ZFAT: variants seen among roughly 807,000 people sequenced by gnomAD.
ZFAT encodes the protein zinc finger and AT-hook domain containing, also known as zinc finger protein ZFAT.
A neutral mutation model predicts 117.7 loss-of-function variants in ZFAT; 64 were observed. That is an observed-to-expected ratio of 0.54 (90% CI 0.44 to 0.67). The LOEUF is 0.67. ZFAT is among the 30% of genes least tolerant of loss of function. The pLI is 0.00. For synonymous variants in ZFAT, 679 were observed against 615.0 expected, an observed-to-expected ratio of 1.10 and a Z score of -1.54; for missense variants, 1,433 against 1,584.5, an observed-to-expected ratio of 0.90 and a Z score of 1.62.
chr8:134,712,624 T>TC (rs1491094591), intron 1 of ZFAT, among the ~76,000 whole-genome samples: 1 of 1,940 alleles, frequency 5.2e-4, no homozygotes, highest in Non-Finnish European at 1.3e-3. Context: ...CCCGCCTTGC[T>TC]TTTTTTTTTT....
the ZFAT span, among the ~76,000 whole-genome samples, chr8:134,789,544 G>C: frequency 6.6e-6 from 1 of 152,120 alleles, no homozygotes; most frequent in Non-Finnish European, 1.5e-5. Context: ...CATTTGGAGT[G>C]GATCTTTTGT....
the ZFAT span, among the ~76,000 whole-genome samples, chr8:134,733,641 A>G: frequency 6.6e-6 from 1 of 152,260 alleles, no homozygotes. Context: ...AAGGACGATG[A>G]CTAGCTAAAG....
At chr8:134,822,230 T>C in the ZFAT span, among the ~76,000 whole-genome samples, 54 of 152,138 alleles carry the variant, frequency 3.5e-4, no homozygotes, top group Non-Finnish European at 6.8e-4. Context: ...TGACCAATCG[T>C]ATAAGCATTC....
the ZFAT span, among the ~76,000 whole-genome samples, chr8:134,757,110 G>A: frequency 3.2e-4 from 46 of 144,226 alleles, no homozygotes; most frequent in Middle Eastern, 7.4e-3. Context: ...TCTGCCTCCC[G>A]GGTTCAAGCA....
At chr8:134,522,926 C>A (rs557472248) in intron 12 of ZFAT, among the ~76,000 whole-genome samples, 1 of 152,258 alleles carries the variant, frequency 6.6e-6, no homozygotes, top group African/African-American at 2.4e-5. Context: ...AAGAACTTTC[C>A]AGACCTTCCT....
chr8:134,589,387 T>C (rs1826285668), intron 8 of ZFAT, among the ~76,000 whole-genome samples: 2 of 152,232 alleles, frequency 1.3e-5, no homozygotes, highest in Admixed American at 6.5e-5. Context: ...CCTCCATTTA[T>C]AATCAGTGAG....
intron 12 of ZFAT, among the ~76,000 whole-genome samples, chr8:134,531,570 G>C (rs1821410360): frequency 2.0e-5 from 3 of 152,194 alleles, no homozygotes; most frequent in Admixed American, 6.5e-5. Flanking sequence ...TACAGGTGAA[G>C]AGCCTAAGAG....
chr8:134,586,314 A>G lies in ZFAT; in HGVS notation c.2713+1932T>C, dbSNP rs185859634. On this transcript the variant is annotated intron_variant, in intron 9 of 15. Coordinates refer to ENST00000377838, the MANE Select transcript of ZFAT (RefSeq NM_020863.4). The stretch of plus-strand genomic sequence containing the variant: ...TTTACTTAACACAACAGCATCAGCC[A>G]TGTATTAAGTACCCAATATGTGCTA... Among the ~76,000 whole-genome samples the G allele has an allele frequency of 4.0e-3, 609 of 152,372 alleles. 2 individuals are homozygous for G. Among genetic ancestry groups the G allele is most frequent in the Non-Finnish European group, 6.0e-3 (411 of 68,036 alleles).
rs144984474 is a variant in ZFAT, at chr8:134,691,415, A to G, written c.19+21430T>C. Among the ~76,000 whole-genome samples, 10 of 152,346 alleles carry G rather than the reference A, an allele frequency of 6.6e-5. 1 individual carries two copies. The highest frequency in any genetic ancestry group is 2.4e-4 in the African/African-American group (10 of 41,580). On this transcript the variant is annotated intron_variant, in intron 1 of 15. Transcript: ENST00000377838. ...CGCCTCCACGGACACAGTGTCTCCC[A>G]AGCCACCTGTAGCAGGTCCATTCAC...
intron 2 of ZFAT, among the ~76,000 whole-genome samples, chr8:134,647,968 C>T (rs1830996328): frequency 6.6e-6 from 1 of 152,032 alleles, no homozygotes; most frequent in African/African-American, 2.4e-5. Context: ...TAAGGTAAAG[C>T]ATGATGACTA....
At chr8:134,768,132 C>T in the ZFAT span, among the ~76,000 whole-genome samples, 1 of 152,128 alleles carries the variant, frequency 6.6e-6, no homozygotes, top group African/African-American at 2.4e-5. Flanking sequence ...TTGTGGCAAC[C>T]CTCTGTTGAA....
At chr8:134,632,761 G>A (rs1829972401) in intron 3 of ZFAT, among the ~76,000 whole-genome samples, 1 of 151,948 alleles carries the variant, frequency 6.6e-6, no homozygotes, top group African/African-American at 2.4e-5. Context: ...AAAGACAAAT[G>A]ACAAATTGCA....
intron 10 of ZFAT, among the ~76,000 whole-genome samples, chr8:134,567,477 A>T (rs1432721998): frequency 6.8e-6 from 1 of 146,000 alleles, no homozygotes; most frequent in African/African-American, 2.8e-5. Context: ...CCATCCATCC[A>T]TCCATCCATC....
At position 134,508,172 on chromosome 8, in the gene ZFAT, C is replaced by T. The variant is rs551838535; in HGVS notation, c.3492+1447G>A. ...TCATCTAGATATGCTAAGTCTTGTC[C>T]GTAGGTCAAGAAACCCAAGAGGTGA... On this transcript the variant is annotated intron_variant, in intron 15 of 15. Transcript: ENST00000377838. 1.8e-4 allele frequency among the ~76,000 whole-genome samples: 27 copies of T among 152,268 alleles called. No homozygotes were observed. In the South Asian group the frequency reaches 4.4e-3, roughly 25 times the overall value.
At chr8:134,556,996 A>G (rs1255511248) in intron 11 of ZFAT, among the ~76,000 whole-genome samples, 1 of 151,970 alleles carries the variant, frequency 6.6e-6, no homozygotes, top group Non-Finnish European at 1.5e-5. Flanking sequence ...TATTTTATAA[A>G]TATTTACTGA....
intron 13 of ZFAT, among the ~76,000 whole-genome samples, chr8:134,515,240 C>T (rs1820170363): frequency 6.6e-6 from 1 of 152,154 alleles, no homozygotes; most frequent in African/African-American, 2.4e-5. Flanking sequence ...CAAGTCTTTG[C>T]TATTGTGAAT....
intron 13 of ZFAT, among the ~76,000 whole-genome samples, chr8:134,518,989 G>A (rs888090869): frequency 1.3e-5 from 2 of 151,930 alleles, no homozygotes; most frequent in Admixed American, 1.3e-4. Flanking sequence ...TTTTCTGTTC[G>A]ATTCCATTAA....
rs372483680 is a variant in ZFAT at position 134,590,375 on chromosome 8, A to C, written c.2476-20T>G. ...TTTGTCCTTAATAGAAAGAGAACAT[A>C]ATCAGTTGACTTTCTCATTTAAATC... On this transcript the variant is annotated intron_variant, in intron 7 of 15. Coordinates refer to ENST00000377838, the MANE Select transcript of ZFAT (RefSeq NM_020863.4). 1.3e-5 allele frequency: 21 copies of C among 1,581,390 alleles called. No homozygotes were observed. The African/African-American group carries it at 2.6e-4, about 19-fold the overall frequency.
chr8:134,479,237 C>T (rs185455413), intron 15 of ZFAT, among the ~76,000 whole-genome samples: 6 of 152,312 alleles, frequency 3.9e-5, no homozygotes, highest in East Asian at 3.9e-4. Context: ...AAGGAGCAGA[C>T]GCCTGGCAGG....
Sources: gnomAD v4.1 joint callset for allele counts (sites outside exome capture counted in the v4.1 genomes callset) on GRCh38, gnomAD v4.1.1 for gene constraint, MANE v1.5 for transcripts, NCBI Gene and HGNC (gene_info 2026-07-23, HGNC 2026-07-21) for gene names.